Variants in AGBL4 observed in about 807,000 individuals in gnomAD.
AGBL4 encodes the protein AGBL carboxypeptidase 4.
A neutral mutation model predicts 66.4 loss-of-function variants in AGBL4; 58 were observed. That is an observed-to-expected ratio of 0.87 (90% CI 0.71 to 1.09). AGBL4 has a LOEUF of 1.09. Among genes scored for constraint, AGBL4 ranks in the 50% least tolerant of loss-of-function variants. The pLI, the probability that AGBL4 is intolerant of heterozygous loss-of-function variation, is 0.00. For missense variants in AGBL4, 579 were observed against 631.0 expected, an observed-to-expected ratio of 0.92 and a Z score of 0.88; for synonymous variants, 234 against 222.9, an observed-to-expected ratio of 1.05 and a Z score of -0.44.
intron 6 of AGBL4, among the ~76,000 whole-genome samples, chr1:48,663,983 C>A (rs1050065538): frequency 6.6e-6 from 1 of 152,042 alleles, no homozygotes; most frequent in Non-Finnish European, 1.5e-5. Context: ...AAAAACTGGA[C>A]AAAATATTCA....
At chr1:48,750,005 C>A (rs1012748415) in intron 6 of AGBL4, among the ~76,000 whole-genome samples, 4 of 152,258 alleles carry the variant, frequency 2.6e-5, no homozygotes, top group African/African-American at 9.6e-5. Flanking sequence ...ACAGTGAGTG[C>A]CTGAGGGTAG....
chr1:49,018,489 G>A (rs987820771), intron 5 of AGBL4, among the ~76,000 whole-genome samples: 6 of 152,182 alleles, frequency 3.9e-5, no homozygotes, highest in African/African-American at 1.4e-4. Flanking sequence ...CAGAAGGGAG[G>A]AGAAGCACTA....
intron 3 of AGBL4, among the ~76,000 whole-genome samples, chr1:49,632,463 C>T (rs1242050696): frequency 2.6e-5 from 4 of 152,104 alleles, no homozygotes; most frequent in Non-Finnish European, 5.9e-5. Flanking sequence ...TCCCTCTGGT[C>T]CATGTGGAAA....
intron 1 of AGBL4, among the ~76,000 whole-genome samples, chr1:49,928,991 AAGAATGAAATCATATCCTTTGC>A (rs1653067766): frequency 6.6e-6 from 1 of 152,258 alleles, no homozygotes; most frequent in African/African-American, 2.4e-5. Context: ...AGCCATAAAA[AAGAATGAAATCATATCCTTTGC>A]AGCAACATGG....
chr1:49,483,981 C>A (rs1286521796), intron 3 of AGBL4, among the ~76,000 whole-genome samples: 1 of 151,770 alleles, frequency 6.6e-6, no homozygotes, highest in East Asian at 1.9e-4. Context: ...ATACAAATGG[C>A]AAATGGGTAT....
chr1:48,679,441 C>T (rs772591483), intron 6 of AGBL4, among the ~76,000 whole-genome samples: 2 of 152,152 alleles, frequency 1.3e-5, no homozygotes, highest in Non-Finnish European at 2.9e-5. Flanking sequence ...CTGCTCAGTA[C>T]AACCAGGGCC....
At chr1:49,900,905 C>G (rs1343232126) in intron 1 of AGBL4, among the ~76,000 whole-genome samples, 2 of 152,162 alleles carry the variant, frequency 1.3e-5, no homozygotes, top group African/African-American at 4.8e-5. Context: ...CTGAAGAAGC[C>G]TTGGATTACA....
chr1:49,850,225 C>T (rs1358719897), intron 2 of AGBL4, among the ~76,000 whole-genome samples: 1 of 152,110 alleles, frequency 6.6e-6, no homozygotes, highest in Non-Finnish European at 1.5e-5. Context: ...TGGATATAGA[C>T]ATACAGGGAG....
chr1:49,396,366 ATGTG>A (rs143459610), intron 3 of AGBL4, among the ~76,000 whole-genome samples: 7 of 151,184 alleles, frequency 4.6e-5, no homozygotes, highest in South Asian at 2.1e-4. Context: ...GTGTGTATGA[ATGTG>A]TGTGTGTGTG....
intron 11 of AGBL4, among the ~76,000 whole-genome samples, chr1:48,580,392 C>T (rs1644721839): frequency 6.6e-6 from 1 of 152,148 alleles, no homozygotes; most frequent in Non-Finnish European, 1.5e-5. Context: ...CTACTGTTAC[C>T]CAGATTGAGG....
intron 7 of AGBL4, among the ~76,000 whole-genome samples, chr1:48,655,390 G>T (rs541440445): frequency 6.6e-6 from 1 of 152,258 alleles, no homozygotes; most frequent in South Asian, 2.1e-4. Flanking sequence ...AGAGTGGAGA[G>T]ATGATGCCAT....
chr1:49,365,652 T>C (rs1644228520), intron 3 of AGBL4, among the ~76,000 whole-genome samples: 1 of 152,076 alleles, frequency 6.6e-6, no homozygotes. Context: ...CTTGTTTGTT[T>C]TTCCTAGATA....
At chr1:49,784,027 G>T (rs2103909) in intron 2 of AGBL4, among the ~76,000 whole-genome samples, 103,710 of 151,938 alleles carry the variant, frequency 0.68, 36,105 homozygotes, top group African/African-American at 0.77. Context: ...ATATCTCATG[G>T]TCATAGATCA....
chr1:49,608,183 A>G (rs1558096973), intron 3 of AGBL4, among the ~76,000 whole-genome samples: 1 of 152,080 alleles, frequency 6.6e-6, no homozygotes, highest in Non-Finnish European at 1.5e-5. Flanking sequence ...AAGAAAGGGG[A>G]AGGAATCAAC....
intron 3 of AGBL4, among the ~76,000 whole-genome samples, chr1:49,273,620 T>C (rs935759541): frequency 2.4e-4 from 36 of 151,484 alleles, no homozygotes; most frequent in African/African-American, 8.5e-4. Flanking sequence ...TCTAATTTTC[T>C]ATTTTAAGTA....
intron 3 of AGBL4, among the ~76,000 whole-genome samples, chr1:49,330,858 T>C (rs537956557): frequency 6.6e-6 from 1 of 152,198 alleles, no homozygotes; most frequent in East Asian, 1.9e-4. Flanking sequence ...GCACCTTTAA[T>C]TGAAATATCC....
intron 6 of AGBL4, among the ~76,000 whole-genome samples, chr1:48,829,001 A>C (rs953799365): frequency 4.6e-5 from 7 of 152,176 alleles, no homozygotes; most frequent in Non-Finnish European, 4.4e-5. Context: ...AGGGTTGTTG[A>C]GATAGAATAG....
At chr1:49,722,041 G>A (rs919794006) in intron 2 of AGBL4, among the ~76,000 whole-genome samples, 8 of 152,110 alleles carry the variant, frequency 5.3e-5, no homozygotes, top group African/African-American at 1.9e-4. Context: ...TTTATTAAAA[G>A]AAGCAAATGA....
intron 3 of AGBL4, among the ~76,000 whole-genome samples, chr1:49,671,895 A>G (rs1571300151): frequency 6.6e-6 from 1 of 152,164 alleles, no homozygotes; most frequent in Admixed American, 6.5e-5. Flanking sequence ...TGGGAGTGTA[A>G]AGTAGTTCAA....
Sources: allele counts gnomAD v4.1 joint callset (sites outside exome capture counted in the v4.1 genomes callset), GRCh38; gene constraint gnomAD v4.1.1; transcripts MANE v1.5; gene names NCBI Gene and HGNC (gene_info 2026-07-23, HGNC 2026-07-21).